The following CCNH variants were observed in gnomAD, a reference collection of about 807,000 sequenced individuals.
The protein encoded by CCNH is cyclin H.
Under a neutral mutation model 41.9 loss-of-function variants are expected in CCNH, and 31 were observed. That is an observed-to-expected ratio of 0.74 (90% CI 0.56 to 1.00). The LOEUF is 1.00. Ranked by LOEUF, CCNH falls within the 50% of genes least tolerant of loss-of-function variation. The probability of loss-of-function intolerance (pLI) is 0.00; values close to 1 mark genes in which losing one functional copy is unlikely to be tolerated. For synonymous variants in CCNH, 138 were observed against 136.1 expected (o/e 1.01, Z -0.10); for missense variants, 362 against 388.4 (o/e 0.93, Z 0.57).
intron 9 of CCNH, chr5:87,331,004 A>C: frequency 1.4e-6 from 2 of 1,395,790 alleles, no homozygotes; most frequent in Non-Finnish European, 1.9e-6. Context: ...AATCATTTCC[A>C]TTTGTCTATC....
chr5:87,409,070 A>G (rs1393205391), intron 3 of CCNH: 1 of 336,384 alleles, frequency 3.0e-6, no homozygotes, highest in Admixed American at 4.9e-5. Flanking sequence ...GAATCTGGAC[A>G]AGCTGAAGTT....
At chr5:87,333,946 G>A (rs1757772717) in intron 9 of CCNH, among the ~76,000 whole-genome samples, 1 of 151,996 alleles carries the variant, frequency 6.6e-6, no homozygotes, top group Admixed American at 6.5e-5. Context: ...TGAAGAACAG[G>A]GATGAATTAC....
intron 9 of CCNH, among the ~76,000 whole-genome samples, chr5:87,360,889 CTT>C (rs1760037817): frequency 6.6e-6 from 1 of 152,066 alleles, no homozygotes; most frequent in Admixed American, 6.6e-5. Flanking sequence ...GTTTTTTTCT[CTT>C]TATCATTTAT....
At chr5:87,318,866 T>C (rs1756552838) in exon 10 of CCNH, 1 of 152,258 alleles carries the variant, frequency 6.6e-6, no homozygotes, top group African/African-American at 2.4e-5. Context: ...AAGTCTTATC[T>C]GAGACAAGGC....
intron 9 of CCNH, among the ~76,000 whole-genome samples, chr5:87,356,782 G>C (rs1400396641): frequency 6.6e-6 from 1 of 152,096 alleles, no homozygotes; most frequent in Non-Finnish European, 1.5e-5. Flanking sequence ...TAACTTATAC[G>C]TGCACTGCGA....
At chr5:87,330,050 A>G (rs892570332) in intron 9 of CCNH, among the ~76,000 whole-genome samples, 3 of 152,154 alleles carry the variant, frequency 2.0e-5, no homozygotes, top group African/African-American at 2.4e-5. Flanking sequence ...TTCTTCCTCT[A>G]GTACTAACAG....
At chr5:87,397,834 G>A (rs1376536795) in intron 7 of CCNH, among the ~76,000 whole-genome samples, 2 of 152,180 alleles carry the variant, frequency 1.3e-5, no homozygotes, top group African/African-American at 2.4e-5. Context: ...AAATATTTTC[G>A]GCCTTGCAGG....
At chr5:87,410,869 C>T (rs1187596727) in intron 2 of CCNH, among the ~76,000 whole-genome samples, 1 of 152,140 alleles carries the variant, frequency 6.6e-6, no homozygotes, top group Non-Finnish European at 1.5e-5. Flanking sequence ...TGCATTATTT[C>T]AAACATTTAT....
At chr5:87,374,809 T>C (rs1171692497), downstream of CCNH, 1 of 1,607,406 alleles carries the variant, frequency 6.2e-7, no homozygotes, top group South Asian at 1.1e-5. Flanking sequence ...CCAAAACATT[T>C]TGTTAATTCT....
downstream of CCNH, among the ~76,000 whole-genome samples, chr5:87,387,212 TTC>T (rs1442057949): frequency 1.3e-5 from 2 of 152,110 alleles, no homozygotes; most frequent in East Asian, 3.9e-4. Flanking sequence ...TGCCATGACA[TTC>T]TGTTGCCTCC....
intron 9 of CCNH, among the ~76,000 whole-genome samples, chr5:87,348,453 T>C (rs757331861): frequency 6.6e-6 from 1 of 152,030 alleles, no homozygotes; most frequent in Non-Finnish European, 1.5e-5. Context: ...GAAATACTTC[T>C]CTAAAATTAA....
In CCNH at chr5:87,395,081, T is replaced by C; in HGVS notation, c.896A>G (p.Asp299Gly). Residue 299 changes from aspartate to glycine, a missense_variant, in exon 8 of 9, where the codon GAT (aspartate) becomes GGT (glycine). Physicochemically the swap from Asp to Gly is moderately conservative, Grantham distance 94. Coordinates refer to ENST00000256897, the MANE Select transcript of CCNH (RefSeq NM_001239.4). ...VITKKRKGYE[D>G]DDYVSKKSKH... is the part of the protein sequence containing the mutation. ...GGATTTCTTTGAGACGTAATCATCA[T>C]CTTCATAGCCTTTCCTCTTCTTCCT... The C allele has an allele frequency of 6.2e-7, 1 of 1,611,902 alleles. No individual in the cohort carries two copies. Among genetic ancestry groups the C allele is most frequent in the Non-Finnish European group, 8.5e-7 (1 of 1,178,362 alleles).
At chr5:87,327,647 A>G (rs1294128119) in intron 9 of CCNH, among the ~76,000 whole-genome samples, 7 of 152,100 alleles carry the variant, frequency 4.6e-5, no homozygotes, top group Non-Finnish European at 8.8e-5. Context: ...GTCAGCCTAA[A>G]CTGTTTTCAC....
chr5:87,350,164 A>C (rs1389143731), intron 9 of CCNH, among the ~76,000 whole-genome samples: 2 of 151,844 alleles, frequency 1.3e-5, no homozygotes, highest in Non-Finnish European at 2.9e-5. Flanking sequence ...TCTGAAAAAA[A>C]CCAAAAAACA....
intron 2 of CCNH, 44 bp from the exon 3 acceptor site, chr5:87,409,407 G>T: frequency 9.0e-7 from 1 of 1,105,172 alleles, no homozygotes; most frequent in Non-Finnish European, 1.4e-6. Context: ...AGTCACAAAT[G>T]TTAAATGTTA....
At chr5:87,353,929 GA>G (rs1034214718) in intron 9 of CCNH, among the ~76,000 whole-genome samples, 3 of 152,128 alleles carry the variant, frequency 2.0e-5, no homozygotes, top group African/African-American at 7.2e-5. Flanking sequence ...ACAGGGGTTA[GA>G]AAAAGGTGCT....
At chr5:87,338,536 A>ATATATATATATATTTTTTTTTTTTTTTT in intron 9 of CCNH, among the ~76,000 whole-genome samples, 2 of 85,216 alleles carry the variant, frequency 2.3e-5, no homozygotes, top group African/African-American at 8.9e-5. Flanking sequence ...TATATATAAA[A>ATATATATATATATTTTTTTTTTTTTTTT]TTTTTTTTTT....
At chr5:87,329,638 A>G (rs1435874044) in intron 9 of CCNH, among the ~76,000 whole-genome samples, 5 of 152,174 alleles carry the variant, frequency 3.3e-5, no homozygotes, top group Non-Finnish European at 5.9e-5. Flanking sequence ...CCTAAGACAT[A>G]ACAGAAATTT....
downstream of CCNH, chr5:87,392,017 G>A (rs1031184452): frequency 2.3e-5 from 7 of 306,914 alleles, no homozygotes; most frequent in East Asian, 4.3e-4. Context: ...AAGGCCCAGG[G>A]AGAAGCTGAA....
Sources: gnomAD v4.1 joint callset for allele counts (sites outside exome capture counted in the v4.1 genomes callset) on GRCh38, gnomAD v4.1.1 for gene constraint, MANE v1.5 for transcripts, NCBI Gene and HGNC (gene_info 2026-07-23, HGNC 2026-07-21) for gene names.